Variants in SDHAF3 observed in about 807,000 individuals in gnomAD.
SDHAF3 encodes the protein succinate dehydrogenase assembly factor 3, mitochondrial.
SDHAF3 carries 18 observed loss-of-function variants against 11.5 expected under a neutral mutation model. The ratio of observed to expected loss-of-function variants is 1.56; its 90% CI spans 1.08 to 2.32. SDHAF3 has a LOEUF of 2.32. SDHAF3 is among the 30% of genes most tolerant of loss of function. The probability of loss-of-function intolerance (pLI) is 0.00; values close to 1 mark genes in which losing one functional copy is unlikely to be tolerated. For missense variants in SDHAF3, 200 were observed against 154.4 expected, an observed-to-expected ratio of 1.30 and a Z score of -1.57; for synonymous variants, 72 against 59.3, an observed-to-expected ratio of 1.21 and a Z score of -0.99.
At chr7:97,176,648 C>G (rs181208283) in intron 1 of SDHAF3, among the ~76,000 whole-genome samples, 1 of 152,034 alleles carries the variant, frequency 6.6e-6, no homozygotes, top group South Asian at 2.1e-4. Context: ...GGTGTACGGG[C>G]GAAAGGTTGG....
At position 97,132,135 on chromosome 7, in the gene SDHAF3, A is replaced by C. The variant is rs559848712; in HGVS notation, c.174+14238A>C. On this transcript the variant is annotated intron_variant, in intron 1 of 1. Coordinates refer to ENST00000432641, the MANE Select transcript of SDHAF3 (RefSeq NM_020186.3). ...ACAATTTTTAAAATGCACTGGATGT[A>C]GTTAATATTTTTACCAGTCTTTTTC... Among the ~76,000 whole-genome samples the C allele has an allele frequency of 1.1e-4, 17 of 152,306 alleles. 1 individual carries two copies. The South Asian group carries it at 3.5e-3, about 32-fold the overall frequency.
chr7:97,163,909 GAAGTT>G (rs1271937006), intron 1 of SDHAF3, among the ~76,000 whole-genome samples: 4 of 151,778 alleles, frequency 2.6e-5, no homozygotes, highest in Admixed American at 2.6e-4. Context: ...CTCCACTTAC[GAAGTT>G]TAGTTTGGCT....
intron 1 of SDHAF3, among the ~76,000 whole-genome samples, chr7:97,165,412 A>G (rs34293802): frequency 0.025 from 1,926 of 77,352 alleles, 19 homozygotes; most frequent in Middle Eastern, 0.14. Flanking sequence ...TTAGCATTCC[A>G]TTAGCATGTT....
intron 1 of SDHAF3, among the ~76,000 whole-genome samples, chr7:97,164,165 C>G (rs1176059738): frequency 2.6e-5 from 4 of 151,300 alleles, no homozygotes; most frequent in Non-Finnish European, 5.9e-5. Context: ...AAGACGGTCT[C>G]GATCTCCTCT....
intron 1 of SDHAF3, among the ~76,000 whole-genome samples, chr7:97,138,896 C>T (rs1481424553): frequency 6.6e-6 from 1 of 152,210 alleles, no homozygotes; most frequent in African/African-American, 2.4e-5. Context: ...GGCGCCTACC[C>T]ACTAGGTCCA....
chr7:97,164,106 G>T (rs1214864288), intron 1 of SDHAF3, among the ~76,000 whole-genome samples: 1 of 151,826 alleles, frequency 6.6e-6, no homozygotes, highest in Non-Finnish European at 1.5e-5. Flanking sequence ...CACCATGCCT[G>T]GCTGTTTTTT....
intron 1 of SDHAF3, among the ~76,000 whole-genome samples, chr7:97,171,193 C>T (rs978592228): frequency 9.4e-6 from 1 of 105,838 alleles, no homozygotes; most frequent in Non-Finnish European, 2.1e-5. Context: ...GAAAGCTTGA[C>T]CAAATGCTCC....
intron 1 of SDHAF3, among the ~76,000 whole-genome samples, chr7:97,180,016 CTTTG>C (rs943747134): frequency 2.0e-5 from 3 of 152,154 alleles, no homozygotes; most frequent in Non-Finnish European, 4.4e-5. Flanking sequence ...TACTTTGGCA[CTTTG>C]TCTGCTTAAA....
intron 1 of SDHAF3, among the ~76,000 whole-genome samples, chr7:97,160,332 G>T (rs971613929): frequency 1.4e-5 from 2 of 147,198 alleles, no homozygotes; most frequent in Non-Finnish European, 3.0e-5. Context: ...CTGCCCAGCC[G>T]CCCCATCTGG....
At chr7:97,149,743 G>C (rs939940557) in intron 1 of SDHAF3, among the ~76,000 whole-genome samples, 1 of 152,132 alleles carries the variant, frequency 6.6e-6, no homozygotes, top group Admixed American at 6.5e-5. Flanking sequence ...TGAATGATGA[G>C]GGGGGTAGTT....
chr7:97,169,656 C>T (rs1475345774), intron 1 of SDHAF3, among the ~76,000 whole-genome samples: 1 of 151,844 alleles, frequency 6.6e-6, no homozygotes, highest in Non-Finnish European at 1.5e-5. Flanking sequence ...AATTAACCTG[C>T]ATTACAGATG....
At chr7:97,139,102 G>A (rs762032519) in intron 1 of SDHAF3, among the ~76,000 whole-genome samples, 9 of 152,382 alleles carry the variant, frequency 5.9e-5, no homozygotes, top group Admixed American at 1.3e-4. Context: ...GGCGCTGCCC[G>A]GTGCCGGCAG....
At chr7:97,131,598 T>C (rs1194899563) in intron 1 of SDHAF3, among the ~76,000 whole-genome samples, 5 of 152,224 alleles carry the variant, frequency 3.3e-5, no homozygotes, top group Non-Finnish European at 7.3e-5. Context: ...AAGTTCCTTT[T>C]TACCTCTTAA....
At chr7:97,169,100 C>T (rs183857690) in intron 1 of SDHAF3, among the ~76,000 whole-genome samples, 27 of 152,118 alleles carry the variant, frequency 1.8e-4, no homozygotes, top group African/African-American at 5.5e-4. Context: ...GGGAGGCCGA[C>T]GGATCACTTG....
At position 97,157,443 on chromosome 7, in the gene SDHAF3, C is replaced by T. The variant is rs574149014; in HGVS notation, c.175-23569C>T. On this transcript the variant is annotated intron_variant, in intron 1 of 1. Coordinates refer to ENST00000432641, the MANE Select transcript of SDHAF3 (RefSeq NM_020186.3). ...TACCATCTCACACCAGTTAGAATGG[C>T]GATCATTAAAAAGTCAGGAAACAAC... Among the ~76,000 whole-genome samples, 398 of 152,088 alleles carry T rather than the reference C, an allele frequency of 2.6e-3. 1 individual carries two copies. Among genetic ancestry groups the T allele is most frequent in the African/African-American group, 9.0e-3 (372 of 41,476 alleles).
intron 1 of SDHAF3, among the ~76,000 whole-genome samples, chr7:97,154,494 T>G (rs2115700490): frequency 6.6e-6 from 1 of 152,344 alleles, no homozygotes; most frequent in Middle Eastern, 3.4e-3. Flanking sequence ...TTTTTCCAAT[T>G]TTGAGAGTTT....
At chr7:97,161,716 G>A (rs1447098234) in intron 1 of SDHAF3, among the ~76,000 whole-genome samples, 1 of 152,102 alleles carries the variant, frequency 6.6e-6, no homozygotes, top group Non-Finnish European at 1.5e-5. Context: ...ATAGTTTGCT[G>A]AGAATGATGG....
intron 1 of SDHAF3, among the ~76,000 whole-genome samples, chr7:97,157,159 C>T (rs1289296133): frequency 2.0e-5 from 3 of 152,182 alleles, no homozygotes; most frequent in Non-Finnish European, 4.4e-5. Flanking sequence ...GGGGTACTGA[C>T]ATTTGACTCT....
intron 1 of SDHAF3, among the ~76,000 whole-genome samples, chr7:97,121,854 GTT>G (rs56186976): frequency 8.5e-4 from 110 of 129,926 alleles, no homozygotes; most frequent in African/African-American, 2.7e-3. Context: ...TTTTTTTTTT[GTT>G]TTTTTTTTTT....
Sources: gnomAD v4.1 joint callset for allele counts (sites outside exome capture counted in the v4.1 genomes callset) on GRCh38, gnomAD v4.1.1 for gene constraint, MANE v1.5 for transcripts, NCBI Gene and HGNC (gene_info 2026-07-23, HGNC 2026-07-21) for gene names.